DICER1: variants seen among roughly 807,000 people sequenced by gnomAD.
The protein encoded by DICER1 is endoribonuclease Dicer.
DICER1 carries 43 observed loss-of-function variants against 194.1 expected under a neutral mutation model. That is an observed-to-expected ratio of 0.22 (90% CI 0.17 to 0.29). The LOEUF (loss-of-function observed/expected upper bound fraction) is 0.29. DICER1 is among the 10% of genes least tolerant of loss of function. DICER1 has a pLI of 1.00. For synonymous variants in DICER1, 832 were observed against 820.5 expected (o/e 1.01, Z -0.24); for missense variants, 1,608 against 2,317.0 (o/e 0.69, Z 6.28).
intron 1 of DICER1, among the ~76,000 whole-genome samples, chr14:95,149,343 G>A (rs1306253032): frequency 1.6e-4 from 24 of 152,172 alleles, no homozygotes; most frequent in Admixed American, 1.6e-3. Context: ...AGAGTGTGAC[G>A]CACTACATCA....
At chr14:95,098,889 G>A (rs187342667) in intron 22 of DICER1, among the ~76,000 whole-genome samples, 158 of 152,212 alleles carry the variant, frequency 1.0e-3, no homozygotes, top group African/African-American at 3.6e-3. Context: ...TAGTGTCACT[G>A]AACATGCTAC....
chr14:95,129,901 T>A (rs2140264510), intron 5 of DICER1, among the ~76,000 whole-genome samples, 157 bp downstream of exon 5: 1 of 152,344 alleles, frequency 6.6e-6, no homozygotes. Context: ...TTATTATAGA[T>A]TTAAATGAAC....
Position 95,108,030 on chromosome 14 carries a change from ACTT to A in DICER1, c.2497_2499del (p.Lys833del), listed in dbSNP as rs1566777030. 6.2e-6 allele frequency: 10 copies of A among 1,613,932 alleles called. No individual in the cohort carries two copies. The highest frequency in any genetic ancestry group is 8.5e-6 in the Non-Finnish European group (10 of 1,179,804). On this transcript the variant is annotated inframe_deletion, in exon 16 of 27. Coordinates refer to ENST00000343455, the MANE Select transcript of DICER1 (RefSeq NM_177438.3). ...ATTTGTAGAGACAACATGAAACCAG[ACTT>A]CTTCAACTCAATGGATATGGTAACC...
intron 22 of DICER1, among the ~76,000 whole-genome samples, chr14:95,098,321 C>T (rs1460924707): frequency 1.3e-5 from 2 of 152,190 alleles, no homozygotes; most frequent in African/African-American, 2.4e-5. Flanking sequence ...GGCGTTTTAG[C>T]ATGCAAAGGT....
Position 95,089,734 on chromosome 14 carries a change from G to A in DICER1, c.*764C>T, listed in dbSNP as rs1453699942. On this transcript the variant is annotated 3_prime_UTR_variant, in exon 27 of 27. Coordinates refer to ENST00000343455, the MANE Select transcript of DICER1 (RefSeq NM_177438.3). ...TATACTAGTGAGTTGTAAGTATCAC[G>A]CTGTCTCAACGTCTAATGCATAATA... is the stretch of plus-strand genomic sequence containing the variant. 5 of 231,502 alleles carry A rather than the reference G, an allele frequency of 2.2e-5. No homozygotes were observed. Among genetic ancestry groups the A allele is most frequent in the East Asian group, 6.1e-5 (1 of 16,278 alleles). The allele number at this position is 231,502 out of a possible 1,614,324, so 14.3% of individuals were successfully genotyped here.
In DICER1 at chr14:95,088,484, C is replaced by A. The variant is rs1478240035; in HGVS notation, c.*2014G>T. ...ATCACCCTCAGAATAAAATTCACATCCAGCCTTGTTAACTGCACACTTTTA... is the reference window on the plus strand; with the variant it reads ...ATCACCCTCAGAATAAAATTCACATACAGCCTTGTTAACTGCACACTTTTA... On this transcript the variant is annotated 3_prime_UTR_variant, in exon 27 of 27. Transcript: ENST00000343455. 4.3e-6 allele frequency: 1 copy of A among 232,512 alleles called. No homozygotes were observed. The highest frequency in any genetic ancestry group is 8.5e-6 in the Non-Finnish European group (1 of 117,408). 14.4% of individuals were successfully genotyped at this position (232,512 alleles called of 1,614,324 possible).
intron 1 of DICER1, among the ~76,000 whole-genome samples, chr14:95,154,268 G>A (rs538518390): frequency 6.6e-6 from 1 of 152,278 alleles, no homozygotes; most frequent in East Asian, 1.9e-4. Context: ...ACTGCTTGGA[G>A]GAACCCTGAG....
chr14:95,137,077 A>G (rs538587120), intron 1 of DICER1, among the ~76,000 whole-genome samples: 309 of 152,214 alleles, frequency 2.0e-3, no homozygotes, highest in Non-Finnish European at 3.3e-3. Flanking sequence ...AGGAAAGGAA[A>G]AAAAGGAAAG....
At chr14:95,154,570 G>A (rs759366522) in intron 1 of DICER1, among the ~76,000 whole-genome samples, 12 of 152,318 alleles carry the variant, frequency 7.9e-5, no homozygotes, top group African/African-American at 1.4e-4. Context: ...CAGATGAGCC[G>A]TGGAGACACT....
intron 1 of DICER1, among the ~76,000 whole-genome samples, chr14:95,150,758 A>G (rs1201022549): frequency 6.6e-6 from 1 of 152,180 alleles, no homozygotes; most frequent in Non-Finnish European, 1.5e-5. Flanking sequence ...CCAGATAGAT[A>G]CCCCTTTAAT....
intron 14 of DICER1, among the ~76,000 whole-genome samples, chr14:95,110,181 A>G (rs903528348): frequency 6.6e-6 from 1 of 152,232 alleles, no homozygotes; most frequent in Admixed American, 6.5e-5. Context: ...AACACTTTTA[A>G]TATTAAGCAT....
chr14:95,115,884 C>T, intron 10 of DICER1, 63 bp from the exon 11 acceptor site: 1 of 1,544,612 alleles, frequency 6.5e-7, no homozygotes, highest in Non-Finnish European at 8.9e-7. Context: ...TGCTGTCTGC[C>T]TCTGTACCTA....
In DICER1 at chr14:95,157,452, G is replaced by A. The variant is rs1308904457; in HGVS notation, c.-268C>T. 2.0e-5 allele frequency: 3 copies of A among 152,534 alleles called. No individual in the cohort carries two copies. The Admixed American group carries it at 2.0e-4, about 10-fold the overall frequency. The allele number at this position is 152,534 out of a possible 1,614,324, so 9.4% of individuals were successfully genotyped here. On this transcript the variant is annotated 5_prime_UTR_variant, in exon 1 of 27. Coordinates refer to ENST00000343455, the MANE Select transcript of DICER1 (RefSeq NM_177438.3). ...GACCCCTCCCGCCGGCGCCTGCGGA[G>A]ACTGCGCAGCGCCCGGCTGGCCGGC...
rs1041875974 is a variant in DICER1, at chr14:95,087,149, C to A, written c.*3349G>T. 4.3e-6 allele frequency: 1 copy of A among 233,002 alleles called. No homozygotes were observed. The highest frequency in any genetic ancestry group is 2.2e-5 in the African/African-American group (1 of 45,294). 14.4% of individuals were successfully genotyped at this position (233,002 alleles called of 1,614,324 possible). ...GCCTCCAGGGAGCGACTGAAGAAGC[C>A]GACTGCCGGGGGAACACCTGGATTC... On this transcript the variant is annotated 3_prime_UTR_variant, in exon 27 of 27. Transcript: ENST00000343455.
intron 1 of DICER1, among the ~76,000 whole-genome samples, chr14:95,137,751 C>T (rs941781429): frequency 3.9e-5 from 6 of 152,194 alleles, no homozygotes; most frequent in African/African-American, 1.2e-4. Context: ...TACCAAGAAG[C>T]TTCTAAGACT....
intron 11 of DICER1, 107 bp from the exon 12 acceptor site, chr14:95,113,331 G>C: frequency 1.9e-6 from 2 of 1,074,758 alleles, no homozygotes; most frequent in Non-Finnish European, 2.8e-6. Context: ...TACTGAATTT[G>C]TATTTATATG....
chr14:95,086,275 CA>C lies in DICER1; in HGVS notation c.*4222del, dbSNP rs918918852. On this transcript the variant is annotated 3_prime_UTR_variant, in exon 27 of 27. Transcript: ENST00000343455. Reference sequence around the variant, plus strand: ...GAGATTTACTTGGCTACAATTATTACAAAAAAAACAACTAAAGGTAATTGTG... The same window carrying C: ...GAGATTTACTTGGCTACAATTATTACAAAAAAACAACTAAAGGTAATTGTG... 26 of 231,762 alleles carry C rather than the reference CA, an allele frequency of 1.1e-4. No individual in the cohort carries two copies. Among genetic ancestry groups the C allele is most frequent in the African/African-American group, 5.3e-4 (24 of 45,216 alleles). 14.4% of individuals were successfully genotyped at this position (231,762 alleles called of 1,614,324 possible). A position where few individuals can be genotyped will look rare whatever the true frequency, so the allele number is the denominator to read the frequency against.
At chr14:95,135,064 T>C (rs1415807981) in intron 1 of DICER1, among the ~76,000 whole-genome samples, 2 of 152,266 alleles carry the variant, frequency 1.3e-5, no homozygotes, top group South Asian at 2.1e-4. Context: ...AAGAACCCTA[T>C]GTGGAAGTCT....
rs142417616 is a variant in DICER1, at chr14:95,147,482, C to T, written c.-46+9748G>A. On this transcript the variant is annotated intron_variant, in intron 1 of 26. Transcript: ENST00000343455. ...TGAATTAATGAGTAAAAACCTCCCC[C>T]GTTAAGGCACAAAATGTGGTAACAT... is the stretch of plus-strand genomic sequence containing the variant. 7.2e-5 allele frequency among the ~76,000 whole-genome samples: 11 copies of T among 152,214 alleles called. No homozygotes were observed. The South Asian group carries it at 1.0e-3, about 14-fold the overall frequency.
Sources: gnomAD v4.1 joint callset for allele counts (sites outside exome capture counted in the v4.1 genomes callset) on GRCh38, gnomAD v4.1.1 for gene constraint, MANE v1.5 for transcripts, NCBI Gene and HGNC (gene_info 2026-07-23, HGNC 2026-07-21) for gene names.